The following THRB variants were observed in gnomAD, a reference collection of about 807,000 sequenced individuals.
THRB encodes the protein nuclear receptor subfamily 1 group A member 2.
Under a neutral mutation model 47.8 loss-of-function variants are expected in THRB, and 12 were observed. That is an observed-to-expected ratio of 0.25 (90% CI 0.16 to 0.41). THRB has a LOEUF of 0.41. THRB is among the 10% of genes least tolerant of loss of function. The pLI, the probability that THRB is intolerant of heterozygous loss-of-function variation, is 1.00. For synonymous variants in THRB, 218 were observed against 212.2 expected (o/e 1.03, Z -0.24); for missense variants, 348 against 589.2 (o/e 0.59, Z 4.24).
intron 2 of THRB, among the ~76,000 whole-genome samples, chr3:24,305,532 T>C (rs2149138363): frequency 6.6e-6 from 1 of 152,306 alleles, no homozygotes; most frequent in African/African-American, 2.4e-5. Flanking sequence ...TAAGTGGTAA[T>C]TGATCCAAAA....
intron 1 of THRB, among the ~76,000 whole-genome samples, chr3:24,492,521 G>A (rs1234699529): frequency 6.6e-6 from 1 of 152,126 alleles, no homozygotes; most frequent in East Asian, 1.9e-4. Flanking sequence ...CCTTTACTCT[G>A]ATTTCCATCA....
intron 1 of THRB, among the ~76,000 whole-genome samples, chr3:24,484,817 C>A (rs1427391102): frequency 6.6e-6 from 1 of 152,130 alleles, no homozygotes; most frequent in African/African-American, 2.4e-5. Flanking sequence ...TGTTTGCCAA[C>A]CCCTGGGCTA....
In THRB at chr3:24,321,877, C is replaced by T. The variant is rs73041619; in HGVS notation, c.-189+15423G>A. On this transcript the variant is annotated intron_variant, in intron 2 of 10. Coordinates refer to ENST00000646209, the MANE Select transcript of THRB (RefSeq NM_001354712.2). ...CCATGAAAAATAGAATGTAGAATAT[C>T]TCATTAATATTTTTCTGCTGGTTAC... Among the ~76,000 whole-genome samples the T allele has an allele frequency of 5.3e-5, 8 of 152,052 alleles. No homozygotes were observed. The East Asian group carries it at 1.4e-3, about 26-fold the overall frequency.
At chr3:24,208,103 C>A (rs1399193922) in intron 4 of THRB, among the ~76,000 whole-genome samples, 2 of 151,570 alleles carry the variant, frequency 1.3e-5, no homozygotes, top group Non-Finnish European at 2.9e-5. Flanking sequence ...ACAATTGCTT[C>A]AATGAAAATA....
intron 1 of THRB, among the ~76,000 whole-genome samples, chr3:24,375,558 A>G (rs546580858): frequency 6.7e-6 from 1 of 148,412 alleles, no homozygotes; most frequent in East Asian, 2.0e-4. Context: ...ATTAATAAAT[A>G]TTACTAATTA....
intron 1 of THRB, among the ~76,000 whole-genome samples, chr3:24,372,826 T>A (rs556842341): frequency 6.6e-6 from 1 of 152,164 alleles, no homozygotes; most frequent in Admixed American, 6.6e-5. Context: ...GGATGCTTAG[T>A]CTATCACCAT....
intron 1 of THRB, among the ~76,000 whole-genome samples, chr3:24,393,706 G>A (rs1454817303): frequency 6.6e-6 from 1 of 152,158 alleles, no homozygotes; most frequent in Non-Finnish European, 1.5e-5. Context: ...GTCATGGACA[G>A]TAGCAATGTT....
intron 3 of THRB, among the ~76,000 whole-genome samples, chr3:24,260,806 G>A (rs964968478): frequency 6.6e-6 from 1 of 152,102 alleles, no homozygotes; most frequent in Non-Finnish European, 1.5e-5. Flanking sequence ...AGAAGCAACT[G>A]GAAGATAATT....
intron 1 of THRB, among the ~76,000 whole-genome samples, chr3:24,389,400 T>C (rs548394692): frequency 6.6e-6 from 1 of 152,252 alleles, no homozygotes; most frequent in African/African-American, 2.4e-5. Flanking sequence ...AGAGTAAAAA[T>C]TATAAACTAT....
chr3:24,197,721 A>C (rs979802480), intron 4 of THRB, among the ~76,000 whole-genome samples: 13 of 152,230 alleles, frequency 8.5e-5, no homozygotes, highest in Non-Finnish European at 1.9e-4. Context: ...TTTACTGAGC[A>C]ATAATGTGCT....
chr3:24,133,895 C>T (rs1252545296), intron 8 of THRB, among the ~76,000 whole-genome samples: 4 of 152,120 alleles, frequency 2.6e-5, no homozygotes, highest in East Asian at 3.9e-4. Context: ...TAGAGCAGAG[C>T]GATGGGTGGG....
At chr3:24,222,279 G>A (rs1272612492) in intron 4 of THRB, among the ~76,000 whole-genome samples, 2 of 152,220 alleles carry the variant, frequency 1.3e-5, no homozygotes, top group Non-Finnish European at 2.9e-5. Flanking sequence ...AATATTTATG[G>A]TTTTCCCTTC....
chr3:24,406,830 A>G (rs2067863365), intron 1 of THRB, among the ~76,000 whole-genome samples: 1 of 151,914 alleles, frequency 6.6e-6, no homozygotes, highest in African/African-American at 2.4e-5. Context: ...TTGGAATCAG[A>G]TTTAGATTTT....
At chr3:24,323,723 G>A (rs2058636466) in intron 2 of THRB, among the ~76,000 whole-genome samples, 1 of 152,202 alleles carries the variant, frequency 6.6e-6, no homozygotes, top group Non-Finnish European at 1.5e-5. Context: ...TACTCCAGAA[G>A]TCATAATACC....
At chr3:24,330,543 A>G (rs978026546) in intron 2 of THRB, among the ~76,000 whole-genome samples, 1 of 152,150 alleles carries the variant, frequency 6.6e-6, no homozygotes, top group Admixed American at 6.5e-5. Flanking sequence ...TCTCTCTCTC[A>G]TCTCTCACCA....
intron 2 of THRB, among the ~76,000 whole-genome samples, chr3:24,310,370 G>C (rs1341715212): frequency 2.0e-5 from 3 of 152,202 alleles, no homozygotes; most frequent in Non-Finnish European, 4.4e-5. Flanking sequence ...AAACAGAAGA[G>C]AGAAGACTTC....
intron 9 of THRB, among the ~76,000 whole-genome samples, chr3:24,130,797 T>G (rs565909127): frequency 6.6e-6 from 1 of 152,164 alleles, no homozygotes; most frequent in Non-Finnish European, 1.5e-5. Context: ...ACATAGTCAG[T>G]GATGCGGGCA....
At chr3:24,238,263 ATGTG>A (rs3034410) in intron 3 of THRB, among the ~76,000 whole-genome samples, 1,357 of 33,734 alleles carry the variant, frequency 0.04, 56 homozygotes, top group Non-Finnish European at 0.055. Context: ...GTGTGTGTGT[ATGTG>A]TGTGTGTGTG....
chr3:24,324,423 C>A (rs2058681415), intron 2 of THRB, among the ~76,000 whole-genome samples: 1 of 152,148 alleles, frequency 6.6e-6, no homozygotes, highest in South Asian at 2.1e-4. Context: ...TCCAAGCACA[C>A]TGACCAAGGC....
Sources: allele counts gnomAD v4.1 joint callset (sites outside exome capture counted in the v4.1 genomes callset), GRCh38; gene constraint gnomAD v4.1.1; transcripts MANE v1.5; gene names NCBI Gene and HGNC (gene_info 2026-07-23, HGNC 2026-07-21).